Variants in LMO3 observed in about 807,000 individuals in gnomAD.
LMO3 encodes the protein LIM domain only 3, also known as LIM domain only protein 3.
In LMO3, 2 loss-of-function variants were observed where a neutral mutation model predicts 15.8. That is an observed-to-expected ratio of 0.13 (90% CI 0.05 to 0.40). LMO3 has a LOEUF of 0.40. Ranked by LOEUF, LMO3 falls within the 10% of genes least tolerant of loss-of-function variation. LMO3 has a pLI of 0.99. For synonymous variants in LMO3, 62 were observed against 63.8 expected, an observed-to-expected ratio of 0.97 and a Z score of 0.13; for missense variants, 86 against 182.2, an observed-to-expected ratio of 0.47 and a Z score of 3.04.
intron 2 of LMO3, among the ~76,000 whole-genome samples, chr12:16,579,459 G>A (rs751109972): frequency 6.6e-6 from 1 of 152,200 alleles, no homozygotes; most frequent in Non-Finnish European, 1.5e-5. Flanking sequence ...TAACAATTTG[G>A]TGATGGTATA....
intron 2 of LMO3, among the ~76,000 whole-genome samples, chr12:16,581,354 T>G (rs1377843664): frequency 6.6e-6 from 1 of 152,166 alleles, no homozygotes; most frequent in Non-Finnish European, 1.5e-5. Context: ...CAGTGCCTTC[T>G]TCTCTAAAAT....
At chr12:16,568,679 G>A (rs1027128341) in intron 2 of LMO3, among the ~76,000 whole-genome samples, 15 of 152,282 alleles carry the variant, frequency 9.9e-5, no homozygotes, top group East Asian at 1.9e-4. Flanking sequence ...CATTAAATAC[G>A]TTGTTTAAAA....
chr12:16,608,732 G>GGAGAGAGAGAGACAGA (rs1555129048), upstream of LMO3: 5 of 151,786 alleles, frequency 3.3e-5, no homozygotes, highest in African/African-American at 1.2e-4. This position sits in a 1 kb window ranked among gnomAD's most constrained non-coding sequence, Gnocchi z 4.1. Flanking sequence ...GAGAGACAGA[G>GGAGAGAGAGAGACAGA]GAGAGAGAGA....
In LMO3 at chr12:16,571,116, C is replaced by T. The variant is rs1220512750; in HGVS notation, c.207-10578G>A. The stretch of plus-strand genomic sequence containing the variant: ...ATTTTATCTTACCTCGTTGAAGAAA[C>T]AACCTAACTACTAATGTTTTCTTTT... On this transcript the variant is annotated intron_variant, in intron 2 of 3. Coordinates refer to ENST00000537304, the MANE Select transcript of LMO3 (RefSeq NM_018640.5). 4.6e-5 allele frequency among the ~76,000 whole-genome samples: 7 copies of T among 152,148 alleles called. No individual in the cohort carries two copies. In the East Asian group the frequency reaches 1.2e-3, roughly 25 times the overall value.
At chr12:16,581,790 A>G (rs749166345) in intron 2 of LMO3, among the ~76,000 whole-genome samples, 2 of 152,070 alleles carry the variant, frequency 1.3e-5, no homozygotes, top group Non-Finnish European at 2.9e-5. Context: ...TAAAGCATAT[A>G]TATTTTAATA....
rs909414859 is a variant in LMO3 at position 16,589,490 on chromosome 12, T to C, written c.206+11165A>G. ...TTAGGAAGGAAAAATTTAAGAAAAA[T>C]TAATTTAAAATCTCCTGAAAAATTA... On this transcript the variant is annotated intron_variant, in intron 2 of 3. Coordinates refer to ENST00000537304, the MANE Select transcript of LMO3 (RefSeq NM_018640.5). The surrounding 1 kb of genome is among the most constrained non-coding windows in gnomAD (Gnocchi z 4.2). 2 of 152,010 alleles carry C rather than the reference T, an allele frequency of 1.3e-5. No individual in the cohort carries two copies. The highest frequency in any genetic ancestry group is 2.9e-5 in the Non-Finnish European group (2 of 67,990). 9.4% of individuals were successfully genotyped at this position (152,010 alleles called of 1,614,324 possible).
chr12:16,548,471 C>T lies in LMO3; in HGVS notation c.*2751G>A, dbSNP rs1941870081. ...ATTAAGCAAGATGAAAGTGAAATTA[C>T]AAACACAGGTCAACTTTTAAACTCA... is the stretch of plus-strand genomic sequence containing the variant. On this transcript the variant is annotated 3_prime_UTR_variant, in exon 4 of 4. Coordinates refer to ENST00000537304, the MANE Select transcript of LMO3 (RefSeq NM_018640.5). The surrounding 1 kb of genome is among the most constrained non-coding windows in gnomAD (Gnocchi z 4.2). 6.6e-6 allele frequency: 1 copy of T among 152,126 alleles called. No individual in the cohort carries two copies. Among genetic ancestry groups the T allele is most frequent in the Non-Finnish European group, 1.5e-5 (1 of 67,998 alleles). 9.4% of individuals were successfully genotyped at this position (152,126 alleles called of 1,614,324 possible).
At chr12:16,605,147 T>G (rs1943946920) in intron 1 of LMO3, 11 of 1,397,238 alleles carry the variant, frequency 7.9e-6, no homozygotes, top group Non-Finnish European at 9.3e-6. Flanking sequence ...TGATGGCGAA[T>G]GACAAAGCCA....
intron 2 of LMO3, chr12:16,594,144 T>C: frequency 6.5e-7 from 1 of 1,532,420 alleles, no homozygotes; most frequent in Non-Finnish European, 8.7e-7. Flanking sequence ...TACCAAGCTA[T>C]GGTGATTTGT....
Position 16,586,774 on chromosome 12 carries a change from T to G in LMO3, c.206+13881A>C, listed in dbSNP as rs1445391843. On this transcript the variant is annotated intron_variant, in intron 2 of 3. Transcript: ENST00000537304. This position sits in a 1 kb window ranked among gnomAD's most constrained non-coding sequence, Gnocchi z 4.3. The stretch of plus-strand genomic sequence containing the variant: ...CTAAGCTCCTGTGGCTCAGATTATT[T>G]ATTGCATTACTTTTGTAACCTTTCT... Among the ~76,000 whole-genome samples, 1 of 152,212 alleles carries G rather than the reference T, an allele frequency of 6.6e-6. No individual in the cohort carries two copies. Among genetic ancestry groups the G allele is most frequent in the African/African-American group, 2.4e-5 (1 of 41,452 alleles).
rs1943297858 is a variant in LMO3, at chr12:16,585,724, G to T, written c.206+14931C>A. ...GTAAGCAGCTCCAAATATAATAATA[G>T]AAAGGAAAATATGGGTGAGAAATTA... On this transcript the variant is annotated intron_variant, in intron 2 of 3. Transcript: ENST00000537304. This position sits in a 1 kb window ranked among gnomAD's most constrained non-coding sequence, Gnocchi z 4.7. Among the ~76,000 whole-genome samples, 1 of 152,100 alleles carries T rather than the reference G, an allele frequency of 6.6e-6. No homozygotes were observed. The highest frequency in any genetic ancestry group is 2.4e-5 in the African/African-American group (1 of 41,426).
chr12:16,581,082 A>G (rs1181760833), intron 2 of LMO3, among the ~76,000 whole-genome samples: 1 of 152,234 alleles, frequency 6.6e-6, no homozygotes, highest in Non-Finnish European at 1.5e-5. Flanking sequence ...TAGGTACAAG[A>G]AAACCATTGG....
Position 16,573,330 on chromosome 12 carries a change from TGAA to T in LMO3, c.207-12795_207-12793del, listed in dbSNP as rs1384821732. On this transcript the variant is annotated intron_variant, in intron 2 of 3. Transcript: ENST00000537304. Reference sequence around the variant, plus strand: ...ACAAAAATTTTGAACTCAGACATATTGAATATTAAAAACATGAGGTACTGGAAT... The same window carrying T: ...ACAAAAATTTTGAACTCAGACATATTTATTAAAAACATGAGGTACTGGAAT... 2.0e-5 allele frequency among the ~76,000 whole-genome samples: 3 copies of T among 152,244 alleles called. No individual in the cohort carries two copies. The South Asian group carries it at 6.2e-4, about 32-fold the overall frequency.
chr12:16,578,818 AAACAACAACAACAACAAC>A (rs201327858), intron 2 of LMO3, among the ~76,000 whole-genome samples: 1 of 141,136 alleles, frequency 7.1e-6, no homozygotes, highest in South Asian at 2.1e-4. Flanking sequence ...ATTCTGTCTC[AAACAACAACAACAACAAC>A]AACAACAACA....
chr12:16,588,287 T>C (rs1943383790), intron 2 of LMO3, among the ~76,000 whole-genome samples: 1 of 151,964 alleles, frequency 6.6e-6, no homozygotes, highest in Non-Finnish European at 1.5e-5. Context: ...TCAAATTTCT[T>C]TAAGAATAAA....
At chr12:16,608,002 T>A (rs1348159830), upstream of LMO3, 1 of 152,188 alleles carries the variant, frequency 6.6e-6, no homozygotes, top group African/African-American at 2.4e-5. The surrounding 1 kb of genome is among the most constrained non-coding windows in gnomAD (Gnocchi z 4.1). Flanking sequence ...GTTCTGTACA[T>A]AGGCAGATTT....
intron 3 of LMO3, among the ~76,000 whole-genome samples, chr12:16,556,440 T>G (rs1252188044): frequency 2.0e-5 from 3 of 151,458 alleles, no homozygotes; most frequent in Non-Finnish European, 4.4e-5. Flanking sequence ...CAATCAATCC[T>G]GAAAGGTTAT....
At chr12:16,556,824 TTGTAGGGGC>T (rs1942209727) in intron 3 of LMO3, among the ~76,000 whole-genome samples, 1 of 152,282 alleles carries the variant, frequency 6.6e-6, no homozygotes, top group African/African-American at 2.4e-5. Flanking sequence ...TTAGTTTGTC[TTGTAGGGGC>T]TGAAGTGACA....
At chr12:16,607,858 C>G (rs550977792), upstream of LMO3, 1 of 152,070 alleles carries the variant, frequency 6.6e-6, no homozygotes, top group African/African-American at 2.4e-5. Flanking sequence ...TTACCCCCTC[C>G]CTTTTGAAGG....
Sources: gnomAD v4.1 joint callset for allele counts (sites outside exome capture counted in the v4.1 genomes callset) on GRCh38, gnomAD v4.1.1 for gene constraint, Gnocchi (gnomAD v3.1) non-coding constraint, MANE v1.5 for transcripts, NCBI Gene and HGNC (gene_info 2026-07-23, HGNC 2026-07-21) for gene names.